The following CNOT6 variants were observed in gnomAD, a reference collection of about 807,000 sequenced individuals.
CNOT6 encodes carbon catabolite repression 4 protein.
CNOT6 carries 12 observed loss-of-function variants against 61.2 expected under a neutral mutation model. The ratio of observed to expected loss-of-function variants is 0.20; its 90% confidence interval spans 0.13 to 0.32. The LOEUF (loss-of-function observed/expected upper bound fraction) is 0.32, where lower values mean the gene tolerates loss of function less well. CNOT6 is among the 10% of genes least tolerant of loss of function. The pLI is 1.00. For synonymous variants in CNOT6, 225 were observed against 240.6 expected, an observed-to-expected ratio of 0.94 and a Z score of 0.60; for missense variants, 405 against 663.9, an observed-to-expected ratio of 0.61 and a Z score of 4.28.
intron 3 of CNOT6, among the ~76,000 whole-genome samples, chr5:180,552,081 C>A (rs1411090853): frequency 6.6e-6 from 1 of 151,726 alleles, no homozygotes; most frequent in Admixed American, 6.6e-5. Context: ...GTTGGCCAGG[C>A]TAGTCTCAAA....
rs1554104989 is a variant in CNOT6 at position 180,577,163 on chromosome 5, A to ATATGTGTGTG, written c.*2964_*2965insATGTGTGTGT. 6.9e-6 allele frequency: 1 copy of ATATGTGTGTG among 145,656 alleles called. No homozygotes were observed. Among genetic ancestry groups the ATATGTGTGTG allele is most frequent in the Non-Finnish European group, 1.5e-5 (1 of 66,402 alleles). 9.0% of individuals were successfully genotyped at this position (145,656 alleles called of 1,614,324 possible). On this transcript the variant is annotated 3_prime_UTR_variant, in exon 12 of 12. Transcript: ENST00000261951. ...AGATAGGCAGAGAACATCTCCAGAAATGTGTGTGTGTGTGTGTGTGTGTGT... is the reference window on the plus strand; with the variant it reads ...AGATAGGCAGAGAACATCTCCAGAAATATGTGTGTGTGTGTGTGTGTGTGTGTGTGTGTGT...
chr5:180,529,399 G>C lies in CNOT6; in HGVS notation c.112+11G>C. On this transcript the variant is annotated intron_variant, in intron 2 of 11. Transcript: ENST00000261951. ...AGCTTGAAATAAGTGGTAAGACATG[G>C]AAGCATGAATTTATGGTATGGAAAT... 7 of 1,511,816 alleles carry C rather than the reference G, an allele frequency of 4.6e-6. No individual in the cohort carries two copies. Among genetic ancestry groups the C allele is most frequent in the Non-Finnish European group, 5.5e-6 (6 of 1,089,066 alleles). The allele number at this position is 1,511,816 out of a possible 1,614,324, so 93.7% of individuals were successfully genotyped here.
intron 3 of CNOT6, 114 bp downstream of exon 3, chr5:180,550,231 C>T (rs1463173546): frequency 2.7e-6 from 2 of 730,954 alleles, no homozygotes; most frequent in Non-Finnish European, 4.5e-6. Flanking sequence ...GCGAGAGGAT[C>T]ATGAGGTCAG....
At chr5:180,498,288 C>T (rs2127687261) in intron 1 of CNOT6, among the ~76,000 whole-genome samples, 1 of 152,242 alleles carries the variant, frequency 6.6e-6, no homozygotes, top group African/African-American at 2.4e-5. Flanking sequence ...AAGGTATGTA[C>T]TGGCCATAGT....
intron 2 of CNOT6, among the ~76,000 whole-genome samples, chr5:180,548,083 A>C (rs1201766391): frequency 6.6e-6 from 1 of 152,122 alleles, no homozygotes; most frequent in Non-Finnish European, 1.5e-5. Context: ...TCAAACATAG[A>C]CATTTTCTGC....
Position 180,531,510 on chromosome 5 carries a change from C to T in CNOT6, c.112+2122C>T, listed in dbSNP as rs556252350. ...CTCCTCACTTCCCAGACTGGGCGGC[C>T]GGGCTGAGGGGCTCCTCACATCCCA... On this transcript the variant is annotated intron_variant, in intron 2 of 11. Transcript: ENST00000261951. Among the ~76,000 whole-genome samples, 5 of 148,556 alleles carry T rather than the reference C, an allele frequency of 3.4e-5. No homozygotes were observed. The South Asian group carries it at 6.5e-4, about 19-fold the overall frequency.
At position 180,504,752 on chromosome 5, in the gene CNOT6, G is replaced by A. The variant is rs116595056; in HGVS notation, c.-3+9989G>A. ...GTGGGCAGACTTTAAAGAGATTTGC[G>A]GAACTGAGACAGTGTCACTCTTCTC... On this transcript the variant is annotated intron_variant, in intron 1 of 11. Transcript: ENST00000261951. Among the ~76,000 whole-genome samples, 1,504 of 152,048 alleles carry A rather than the reference G, an allele frequency of 9.9e-3. 21 individuals carry two copies. Among genetic ancestry groups the A allele is most frequent in the African/African-American group, 0.034 (1,412 of 41,458 alleles).
rs35909953 is a variant in CNOT6, at chr5:180,561,356, TTGTG to T, written c.386-3099_386-3096del. ...CAGTCTTCCTGTTTTCTTGTGTGTT[TTGTG>T]TGTGTGTGTGTGTGTGTGTGTGTGT... On this transcript the variant is annotated intron_variant, in intron 4 of 11. Coordinates refer to ENST00000261951, the MANE Select transcript of CNOT6 (RefSeq NM_001370472.1). Among the ~76,000 whole-genome samples, 1,263 of 144,826 alleles carry T rather than the reference TTGTG, an allele frequency of 8.7e-3. 9 individuals are homozygous for T. The highest frequency in any genetic ancestry group is 0.018 in the South Asian group (78 of 4,414).
At chr5:180,553,326 G>C in intron 3 of CNOT6, 60 bp from the exon 4 acceptor site, 1 of 1,147,830 alleles carries the variant, frequency 8.7e-7, no homozygotes, top group Admixed American at 1.9e-5. Flanking sequence ...CTATGTTGTT[G>C]ATTTTAACTG....
At chr5:180,525,204 C>T (rs1205972173) in intron 1 of CNOT6, among the ~76,000 whole-genome samples, 1 of 152,068 alleles carries the variant, frequency 6.6e-6, no homozygotes, top group Non-Finnish European at 1.5e-5. Context: ...TACTTACTTC[C>T]TTCTGTGCTT....
chr5:180,536,428 T>G (rs1288739381), intron 2 of CNOT6, among the ~76,000 whole-genome samples: 1 of 152,166 alleles, frequency 6.6e-6, no homozygotes, highest in Non-Finnish European at 1.5e-5. Context: ...ATTTTTGCTG[T>G]GCAGAAACTT....
At chr5:180,495,040 C>T (rs1581450893) in intron 1 of CNOT6, among the ~76,000 whole-genome samples, 1 of 152,136 alleles carries the variant, frequency 6.6e-6, no homozygotes, top group Non-Finnish European at 1.5e-5. Flanking sequence ...CGCTGGGCTC[C>T]CGGATCCCGG....
In CNOT6 at chr5:180,509,695, G is replaced by A. The variant is rs142450654; in HGVS notation, c.-3+14932G>A. Among the ~76,000 whole-genome samples, 1,504 of 151,676 alleles carry A rather than the reference G, an allele frequency of 9.9e-3. 27 individuals carry two copies. The highest frequency in any genetic ancestry group is 0.038 in the Admixed American group (585 of 15,214). ...CTCCCAAGGTGCCGGGATTACAGGC[G>A]TGAGCCACCACACCCAGCCTAATTT... On this transcript the variant is annotated intron_variant, in intron 1 of 11. Transcript: ENST00000261951.
At chr5:180,567,362 A>G in intron 8 of CNOT6, 120 bp downstream of exon 8, 2 of 848,208 alleles carry the variant, frequency 2.4e-6, no homozygotes, top group South Asian at 4.0e-5. Flanking sequence ...TGAAGCAAAG[A>G]ATACTGTTTG....
rs1261211098 is a variant in CNOT6 at position 180,575,299 on chromosome 5, C to CA, written c.*1100dup. ...TTTCCCATTGTGAAGCATTGAATAT[C>CA]ACATTTTGGAACATGTTATAGGGTG... On this transcript the variant is annotated 3_prime_UTR_variant, in exon 12 of 12. Transcript: ENST00000261951. 4 of 151,372 alleles carry CA rather than the reference C, an allele frequency of 2.6e-5. No individual in the cohort carries two copies. Among genetic ancestry groups the CA allele is most frequent in the African/African-American group, 4.9e-5 (2 of 41,200 alleles). 9.4% of individuals were successfully genotyped at this position (151,372 alleles called of 1,614,324 possible). A position where few individuals can be genotyped will look rare whatever the true frequency, so the allele number is the denominator to read the frequency against.
rs1758244918 is a variant in CNOT6, at chr5:180,529,323, C to G, written c.47C>G (p.Thr16Arg). The change falls in exon 2 of 12, where the codon ACA becomes AGA. Residue 16 changes from threonine (T) to arginine (R), a missense_variant. Transcript: ENST00000261951. The stretch of plus-strand genomic sequence containing the variant: ...CCCCCTGACCCTCGGAGGATGTATA[C>G]AATTATGTCTTCTGAGGAAGCAGCA... ...YEPPDPRRMY[T>R]IMSSEEAANG... 6.2e-7 allele frequency: 1 copy of G among 1,612,456 alleles called. No individual in the cohort carries two copies. The highest frequency in any genetic ancestry group is 1.7e-5 in the Admixed American group (1 of 59,912).
chr5:180,516,060 A>G (rs1454535323), intron 1 of CNOT6, among the ~76,000 whole-genome samples: 1 of 151,190 alleles, frequency 6.6e-6, no homozygotes, highest in Non-Finnish European at 1.5e-5. Context: ...ACAGGCACAC[A>G]CCACCACGCC....
chr5:180,565,811 T>C lies in CNOT6; in HGVS notation c.560-9T>C. 6.4e-7 allele frequency: 1 copy of C among 1,564,386 alleles called. No homozygotes were observed. Among genetic ancestry groups the C allele is most frequent in the Admixed American group, 1.9e-5 (1 of 52,500 alleles). On this transcript the variant is annotated splice_polypyrimidine_tract_variant and intron_variant, in intron 6 of 11. Transcript: ENST00000261951. ...CATGTGTGAATAAGTAAAGTTATCT[T>C]TCCTACAGCCTTGTTTTCTGTCATG...
At chr5:180,552,871 A>G (rs1442795964) in intron 3 of CNOT6, among the ~76,000 whole-genome samples, 1 of 152,228 alleles carries the variant, frequency 6.6e-6, no homozygotes, top group Non-Finnish European at 1.5e-5. Flanking sequence ...GTTGATAGCA[A>G]TCATAAGCTT....
Sources: allele counts gnomAD v4.1 joint callset (sites outside exome capture counted in the v4.1 genomes callset), GRCh38; gene constraint gnomAD v4.1.1; transcripts MANE v1.5; gene names NCBI Gene and HGNC (gene_info 2026-07-23, HGNC 2026-07-21).